ASTN1: variants seen among roughly 807,000 people sequenced by gnomAD.
The protein encoded by ASTN1 is astrotactin-1.
In ASTN1, 41 loss-of-function variants were observed where a neutral mutation model predicts 140.7. That is an observed-to-expected ratio of 0.29 (90% CI 0.23 to 0.38). ASTN1 has a LOEUF of 0.38. ASTN1 is among the 10% of genes least tolerant of loss of function. ASTN1 has a pLI of 1.00. For missense variants in ASTN1, 1,479 were observed against 1,678.8 expected, an observed-to-expected ratio of 0.88 and a Z score of 2.08; for synonymous variants, 640 against 652.2, an observed-to-expected ratio of 0.98 and a Z score of 0.29.
intron 16 of ASTN1, among the ~76,000 whole-genome samples, chr1:176,902,501 G>T (rs6664879): frequency 0.31 from 47,745 of 152,126 alleles, 8,997 homozygotes; most frequent in East Asian, 0.73. Context: ...TCTGGTTGAG[G>T]TTCCCGGCTA....
chr1:176,918,461 C>T (rs542689684), intron 16 of ASTN1, among the ~76,000 whole-genome samples: 10 of 152,184 alleles, frequency 6.6e-5, no homozygotes, highest in Non-Finnish European at 1.0e-4. Context: ...CACCCCCCGG[C>T]AACATGTTCC....
At chr1:176,890,787 C>T (rs1283542049) in intron 17 of ASTN1, among the ~76,000 whole-genome samples, 3 of 151,998 alleles carry the variant, frequency 2.0e-5, no homozygotes, top group Non-Finnish European at 2.9e-5. Flanking sequence ...GCACTTTGAG[C>T]GGCCGAGGCA....
intron 8 of ASTN1, among the ~76,000 whole-genome samples, chr1:177,004,186 C>G (rs1674877679): frequency 6.6e-6 from 1 of 151,976 alleles, no homozygotes. Flanking sequence ...AATGACCCAG[C>G]TGAGAATAAA....
chr1:177,057,372 T>C (rs536954163), intron 2 of ASTN1, among the ~76,000 whole-genome samples: 16 of 152,308 alleles, frequency 1.1e-4, no homozygotes, highest in Admixed American at 6.5e-4. Flanking sequence ...CCAAAAAGGT[T>C]TCTTTTACTT....
chr1:176,882,854 C>G lies in ASTN1; in HGVS notation c.3362+5G>C. ...GAAGTCACTAGGTAGGTGTGTGTTA[C>G]TCACATGTAAATGGTGTCAGGTTCC... On this transcript the variant is annotated splice_donor_5th_base_variant and intron_variant, in intron 20 of 22. Coordinates refer to ENST00000361833, the MANE Select transcript of ASTN1 (RefSeq NM_004319.3). The G allele has an allele frequency of 1.2e-6, 2 of 1,614,144 alleles. No homozygotes were observed. The highest frequency in any genetic ancestry group is 1.7e-6 in the Non-Finnish European group (2 of 1,180,026).
chr1:177,002,792 G>A (rs182739678), intron 8 of ASTN1, among the ~76,000 whole-genome samples: 1 of 151,958 alleles, frequency 6.6e-6, no homozygotes, highest in Non-Finnish European at 1.5e-5. Context: ...GAAATTGTAG[G>A]TGAAATAAAT....
intron 2 of ASTN1, among the ~76,000 whole-genome samples, chr1:177,044,754 G>T (rs1008560018): frequency 6.6e-6 from 1 of 152,208 alleles, no homozygotes; most frequent in Non-Finnish European, 1.5e-5. Context: ...CATCCGCTGG[G>T]CCAGTTGCCT....
intron 11 of ASTN1, among the ~76,000 whole-genome samples, chr1:176,950,244 G>A (rs1321038461): frequency 6.6e-6 from 1 of 152,192 alleles, no homozygotes; most frequent in Non-Finnish European, 1.5e-5. Context: ...ACCCCCAGGA[G>A]GTAAGCAGTA....
rs577119031 is a variant in ASTN1 at position 176,929,766 on chromosome 1, T to G, written c.2671+4386A>C. 3.0e-4 allele frequency among the ~76,000 whole-genome samples: 46 copies of G among 152,326 alleles called. 1 individual carries two copies. Among genetic ancestry groups the G allele is most frequent in the South Asian group, 2.1e-3 (10 of 4,822 alleles). On this transcript the variant is annotated intron_variant, in intron 16 of 22. Coordinates refer to ENST00000361833, the MANE Select transcript of ASTN1 (RefSeq NM_004319.3). ...GCTCACGCCAGTAATCCCAGCACTT[T>G]GGGAGGCCGAGGCAGGTGGATCATG...
chr1:176,991,619 A>G (rs1163062733), intron 8 of ASTN1, among the ~76,000 whole-genome samples: 1 of 152,208 alleles, frequency 6.6e-6, no homozygotes, highest in African/African-American at 2.4e-5. Flanking sequence ...TGACCGGGCT[A>G]GATTGTGAGC....
At chr1:176,965,083 C>T in intron 9 of ASTN1, 80 bp downstream of exon 9, 2 of 1,353,510 alleles carry the variant, frequency 1.5e-6, no homozygotes, top group Non-Finnish European at 2.1e-6. Context: ...TATACTTTAC[C>T]AACTAGGAAA....
At chr1:177,135,844 G>C (rs1571834510) in intron 1 of ASTN1, among the ~76,000 whole-genome samples, 1 of 152,050 alleles carries the variant, frequency 6.6e-6, no homozygotes, top group African/African-American at 2.4e-5. Context: ...GTGGCTTCTT[G>C]GTCCCCACCC....
At chr1:176,888,006 T>C in intron 18 of ASTN1, 65 bp downstream of exon 18, 1 of 1,601,116 alleles carries the variant, frequency 6.2e-7, no homozygotes, top group Non-Finnish European at 8.5e-7. Flanking sequence ...CCTATTTCTT[T>C]GCAAATAGTA....
intron 2 of ASTN1, 60 bp downstream of exon 2, chr1:177,061,017 AC>A (rs1188827088): frequency 7.1e-7 from 1 of 1,399,356 alleles, no homozygotes; most frequent in African/African-American, 1.5e-5. Context: ...TAATACCAAG[AC>A]CCTTAATGTC....
intron 2 of ASTN1, among the ~76,000 whole-genome samples, chr1:177,051,458 G>A (rs1354342494): frequency 6.6e-6 from 1 of 152,204 alleles, no homozygotes; most frequent in African/African-American, 2.4e-5. Flanking sequence ...GAGATGAATA[G>A]TTGAAAAAGA....
At chr1:177,095,658 A>T (rs998806657) in intron 1 of ASTN1, among the ~76,000 whole-genome samples, 4 of 152,176 alleles carry the variant, frequency 2.6e-5, no homozygotes, top group Non-Finnish European at 5.9e-5. Flanking sequence ...CCTAGATTTG[A>T]AAGATGGAGA....
At chr1:176,946,183 AC>A in intron 12 of ASTN1, 63 bp from the exon 13 acceptor site, 1 of 1,396,206 alleles carries the variant, frequency 7.2e-7, no homozygotes, top group Non-Finnish European at 9.6e-7. Flanking sequence ...AGGCAAGTCA[AC>A]CCCGTATATT....
intron 1 of ASTN1, among the ~76,000 whole-genome samples, chr1:177,158,924 G>A (rs2102263098): frequency 6.7e-6 from 1 of 150,102 alleles, no homozygotes; most frequent in East Asian, 2.0e-4. Context: ...AAAAATAGCC[G>A]GGCATGGTGG....
chr1:177,108,343 G>A (rs1397738317), intron 1 of ASTN1, among the ~76,000 whole-genome samples: 113 of 88,278 alleles, frequency 1.3e-3, no homozygotes, highest in African/African-American at 4.1e-3. Context: ...GCAAGACTCC[G>A]TCTCAAAAAA....
Sources: gnomAD v4.1 joint callset for allele counts (sites outside exome capture counted in the v4.1 genomes callset) on GRCh38, gnomAD v4.1.1 for gene constraint, MANE v1.5 for transcripts, NCBI Gene and HGNC (gene_info 2026-07-23, HGNC 2026-07-21) for gene names.